TTC28: variants seen among roughly 807,000 people sequenced by gnomAD.
The protein encoded by TTC28 is tetratricopeptide repeat protein 28.
Under a neutral mutation model 198.0 loss-of-function variants are expected in TTC28, and 61 were observed. The ratio of observed to expected loss-of-function variants is 0.31; its 90% CI spans 0.25 to 0.38. TTC28 has a LOEUF of 0.38. Ranked by LOEUF, TTC28 falls within the 10% of genes least tolerant of loss-of-function variation. The pLI, the probability that TTC28 is intolerant of heterozygous loss-of-function variation, is 1.00. For synonymous variants in TTC28, 1,171 were observed against 1,297.8 expected (o/e 0.90, Z 2.10); for missense variants, 2,678 against 3,164.0 (o/e 0.85, Z 3.69).
intron 5 of TTC28, among the ~76,000 whole-genome samples, chr22:28,267,103 G>A (rs1225525486): frequency 6.6e-6 from 1 of 152,154 alleles, no homozygotes; most frequent in Non-Finnish European, 1.5e-5. Flanking sequence ...AGAAAACTGA[G>A]TAACAGTTGA....
intron 2 of TTC28, among the ~76,000 whole-genome samples, chr22:28,374,342 A>G (rs1029886184): frequency 6.6e-6 from 1 of 152,240 alleles, no homozygotes; most frequent in Non-Finnish European, 1.5e-5. Flanking sequence ...CCTTTCATAG[A>G]TATCATGTAA....
rs75496427 is a variant in TTC28 at position 28,617,466 on chromosome 22, C to A, written c.381+12086G>T. Reference sequence around the variant, plus strand: ...GCTGCAGTGACCACTGCACTCCAGCCTGGCTGACAGAGTGAGACCCTATCT... The same window carrying A: ...GCTGCAGTGACCACTGCACTCCAGCATGGCTGACAGAGTGAGACCCTATCT... On this transcript the variant is annotated intron_variant, in intron 2 of 22. Coordinates refer to ENST00000397906, the MANE Select transcript of TTC28 (RefSeq NM_001145418.2). Among the ~76,000 whole-genome samples, 410 of 152,188 alleles carry A rather than the reference C, an allele frequency of 2.7e-3. 15 individuals are homozygous for A. In the South Asian group the frequency reaches 0.049, roughly 18 times the overall value.
intron 6 of TTC28, among the ~76,000 whole-genome samples, chr22:28,116,198 T>C (rs1942625123): frequency 6.6e-6 from 1 of 152,028 alleles, no homozygotes; most frequent in Non-Finnish European, 1.5e-5. Flanking sequence ...ACGAGCCCAC[T>C]GGAACCCACA....
intron 5 of TTC28, among the ~76,000 whole-genome samples, chr22:28,197,718 GAA>G (rs1925519750): frequency 6.6e-6 from 1 of 152,020 alleles, no homozygotes; most frequent in Admixed American, 6.6e-5. Flanking sequence ...AGCAAGAACA[GAA>G]AATTCACTAA....
intron 2 of TTC28, among the ~76,000 whole-genome samples, chr22:28,532,479 C>T (rs945521937): frequency 6.6e-6 from 1 of 152,138 alleles, no homozygotes; most frequent in South Asian, 2.1e-4. Context: ...ACCAGTGGTA[C>T]AAAGAGGAGC....
intron 13 of TTC28, among the ~76,000 whole-genome samples, chr22:28,019,247 G>A (rs1938497398): frequency 1.3e-5 from 2 of 152,046 alleles, no homozygotes; most frequent in Admixed American, 1.3e-4. Flanking sequence ...CCTCTTCTAG[G>A]GTTTTTAAAA....
chr22:28,214,745 C>G (rs1476896845), intron 5 of TTC28, among the ~76,000 whole-genome samples: 1 of 152,178 alleles, frequency 6.6e-6, no homozygotes, highest in Non-Finnish European at 1.5e-5. Context: ...GGATCTAGAA[C>G]TAGAAATACC....
In TTC28 at chr22:28,163,440, T is replaced by C. The variant is rs749197052; in HGVS notation, c.1093A>G (p.Ile365Val). The change falls in exon 6 of 23, where the codon ATT becomes GTT. Residue 365 changes from isoleucine (I) to valine (V), a missense_variant. Physicochemically the swap from Ile to Val is conservative, Grantham distance 29. This residue lies in a region of TTC28 where 775 missense variants were observed against 845.9 expected (regional missense o/e 0.92). Coordinates refer to ENST00000397906, the MANE Select transcript of TTC28 (RefSeq NM_001145418.2). Reference sequence around the variant, plus strand: ...GCATTCTCAAAGTCACCCATGGCAATATACACAGCTCCCATGTTGCCAAGT... The same window carrying C: ...GCATTCTCAAAGTCACCCATGGCAACATACACAGCTCCCATGTTGCCAAGT... ...RELGNMGAVY[I>V]AMGDFENAVQ... 118 of 1,551,632 alleles carry C rather than the reference T, an allele frequency of 7.6e-5. No homozygotes were observed. Among genetic ancestry groups the C allele is most frequent in the Non-Finnish European group, 9.9e-5 (113 of 1,147,012 alleles).
intron 12 of TTC28, among the ~76,000 whole-genome samples, chr22:28,063,640 A>G (rs1240575911): frequency 6.6e-6 from 1 of 152,214 alleles, no homozygotes; most frequent in Non-Finnish European, 1.5e-5. Context: ...GCATTGCTGC[A>G]TAATATGCCA....
chr22:28,407,235 T>C (rs1032063355), intron 2 of TTC28, among the ~76,000 whole-genome samples: 2 of 152,144 alleles, frequency 1.3e-5, no homozygotes, highest in African/African-American at 4.8e-5. Context: ...TTCCAACCTG[T>C]CTAGTCTTTT....
chr22:28,302,784 C>T (rs959928331), intron 3 of TTC28, among the ~76,000 whole-genome samples: 19 of 152,150 alleles, frequency 1.2e-4, no homozygotes, highest in African/African-American at 4.6e-4. Flanking sequence ...AAGCGATTCT[C>T]CTGCCTCAGC....
intron 5 of TTC28, among the ~76,000 whole-genome samples, chr22:28,229,158 A>AAAAC (rs753373051): frequency 1.1e-3 from 175 of 152,350 alleles, no homozygotes; most frequent in Non-Finnish European, 2.1e-3. Flanking sequence ...TCCATCTCAA[A>AAAAC]AAACAAACAA....
At chr22:28,505,585 C>T (rs577070068) in intron 2 of TTC28, among the ~76,000 whole-genome samples, 12 of 152,172 alleles carry the variant, frequency 7.9e-5, no homozygotes, top group Non-Finnish European at 1.6e-4. Context: ...AGGAGATTGC[C>T]TCAGGAGCTC....
intron 1 of TTC28, among the ~76,000 whole-genome samples, chr22:28,669,610 T>C (rs2051846650): frequency 6.6e-6 from 1 of 152,192 alleles, no homozygotes; most frequent in Non-Finnish European, 1.5e-5. Flanking sequence ...TGTCCTACAA[T>C]TTGGCAAAAT....
intron 2 of TTC28, among the ~76,000 whole-genome samples, chr22:28,589,769 G>A (rs1340691411): frequency 6.6e-6 from 1 of 152,106 alleles, no homozygotes; most frequent in Non-Finnish European, 1.5e-5. Flanking sequence ...GTCGGGCATG[G>A]TGGCTCACGC....
intron 1 of TTC28, among the ~76,000 whole-genome samples, chr22:28,647,783 G>C (rs1436011553): frequency 6.6e-6 from 1 of 151,868 alleles, no homozygotes; most frequent in East Asian, 1.9e-4. Flanking sequence ...AGCTTGCAGT[G>C]AGCCAAGATC....
chr22:28,283,837 C>T (rs1441536056), intron 5 of TTC28, among the ~76,000 whole-genome samples: 1 of 152,168 alleles, frequency 6.6e-6, no homozygotes, highest in Non-Finnish European at 1.5e-5. Context: ...GTGCATGCCA[C>T]TACATGTCGT....
intron 2 of TTC28, among the ~76,000 whole-genome samples, chr22:28,537,307 A>G (rs185645326): frequency 7.3e-6 from 1 of 137,136 alleles, no homozygotes; most frequent in East Asian, 2.1e-4. Context: ...ATAAAATAAA[A>G]TAAAATAAAA....
chr22:28,657,952 T>C (rs2051686787), intron 1 of TTC28, among the ~76,000 whole-genome samples: 1 of 152,128 alleles, frequency 6.6e-6, no homozygotes, highest in African/African-American at 2.4e-5. Flanking sequence ...AAATGGTCCA[T>C]GTTCCTTAAT....
Sources: allele counts gnomAD v4.1 joint callset (sites outside exome capture counted in the v4.1 genomes callset), GRCh38; gene constraint gnomAD v4.1.1; regional missense constraint gnomAD v4.1.1; transcripts MANE v1.5; gene names NCBI Gene and HGNC (gene_info 2026-07-23, HGNC 2026-07-21).